The following OTOGL variants were observed in gnomAD, a reference collection of about 807,000 sequenced individuals.
OTOGL encodes otogelin-like protein.
OTOGL carries 285 observed loss-of-function variants against 318.5 expected under a neutral mutation model. The ratio of observed to expected loss-of-function variants is 0.89; its 90% CI spans 0.81 to 0.99. OTOGL has a LOEUF of 0.99. OTOGL is among the 50% of genes least tolerant of loss of function. The pLI, the probability that OTOGL is intolerant of heterozygous loss-of-function variation, is 0.00. For missense variants in OTOGL, 2,899 were observed against 2,845.6 expected (o/e 1.02, Z -0.43); for synonymous variants, 987 against 936.5 (o/e 1.05, Z -0.99).
chr12:80,134,412 T>G (rs557801624), intron 1 of OTOGL, among the ~76,000 whole-genome samples: 1 of 152,330 alleles, frequency 6.6e-6, no homozygotes, highest in African/African-American at 2.4e-5. Flanking sequence ...TTCATGACAC[T>G]TGTCAGATTC....
intron 52 of OTOGL, among the ~76,000 whole-genome samples, chr12:80,365,170 T>C (rs1890452525): frequency 6.6e-6 from 1 of 152,030 alleles, no homozygotes; most frequent in African/African-American, 2.4e-5. Context: ...TGATGAGAAA[T>C]GAAAACATAT....
intron 26 of OTOGL, among the ~76,000 whole-genome samples, chr12:80,291,862 TAGAA>T (rs1333593816): frequency 2.0e-5 from 3 of 152,244 alleles, no homozygotes; most frequent in South Asian, 2.1e-4. Context: ...AGAAATCAGA[TAGAA>T]AGAAATATGC....
intron 57 of OTOGL, among the ~76,000 whole-genome samples, chr12:80,372,660 A>G (rs546656500): frequency 6.6e-6 from 1 of 151,842 alleles, no homozygotes; most frequent in Non-Finnish European, 1.5e-5. Flanking sequence ...ATTTTTTATT[A>G]GCTTGGATTA....
rs756442587 is a variant in OTOGL at position 80,232,972 on chromosome 12, T to C, written c.692T>C (p.Phe231Ser). The change falls in exon 9 of 59, where the codon TTT becomes TCT. Residue 231 changes from phenylalanine to serine, a missense_variant. Physicochemically the swap from Phe to Ser is radical, Grantham distance 155 (BLOSUM62 -2). Coordinates refer to ENST00000547103, the MANE Select transcript of OTOGL (RefSeq NM_001378609.3). ...DYILVKTTFG[F>S]SLAWDGISGI... ...ATTCTTGTGAAAACAACCTTTGGCT[T>C]TTCATTGGCTTGGGACGGGATATCT... 10 of 1,598,998 alleles carry C rather than the reference T, an allele frequency of 6.3e-6. No homozygotes were observed. Among genetic ancestry groups the C allele is most frequent in the Non-Finnish European group, 8.5e-6 (10 of 1,179,448 alleles).
At position 80,257,963 on chromosome 12, in the gene OTOGL, TG is replaced by T; in HGVS notation, c.1851del (p.Cys618ValfsTer8). 6.3e-7 allele frequency: 1 copy of T among 1,594,264 alleles called. No homozygotes were observed. Among genetic ancestry groups the T allele is most frequent in the Non-Finnish European group, 8.5e-7 (1 of 1,178,236 alleles). ...GCATGGAAAAGAAGAACATTAGGTC[TG>T]TGTGGCACTTTTAATGGCAACATAA... is the stretch of plus-strand genomic sequence containing the variant. The part of the protein sequence containing the change: ...TSAWKRRTLG[L>X]CGTFNGNIRD... On this transcript the variant is annotated frameshift_variant, in exon 18 of 59. Transcript: ENST00000547103. LOFTEE classifies it high-confidence loss of function.
chr12:80,233,793 A>G (rs1022626232), intron 9 of OTOGL, among the ~76,000 whole-genome samples: 1 of 152,222 alleles, frequency 6.6e-6, no homozygotes, highest in Non-Finnish European at 1.5e-5. Context: ...TCTTAGTACC[A>G]GTGAACTTGG....
chr12:80,355,321 C>T (rs1300670137), intron 46 of OTOGL, among the ~76,000 whole-genome samples: 1 of 149,214 alleles, frequency 6.7e-6, no homozygotes, highest in African/African-American at 2.5e-5. Context: ...AACTCTGGGC[C>T]TCCAGTGATC....
chr12:80,190,312 T>G (rs948857264), intron 1 of OTOGL, among the ~76,000 whole-genome samples: 5 of 152,210 alleles, frequency 3.3e-5, no homozygotes, highest in Admixed American at 3.3e-4. Context: ...TTTTAATGCT[T>G]AGAAGCCATA....
At chr12:80,370,510 T>C (rs1890811113) in intron 55 of OTOGL, 60 bp from the exon 56 acceptor site, 2 of 1,340,006 alleles carry the variant, frequency 1.5e-6, no homozygotes, top group Non-Finnish European at 2.0e-6. Flanking sequence ...AATAATATTG[T>C]ACTTAATAAA....
chr12:80,158,085 C>A (rs1011686932), intron 1 of OTOGL, among the ~76,000 whole-genome samples: 1 of 152,010 alleles, frequency 6.6e-6, no homozygotes, highest in Non-Finnish European at 1.5e-5. Flanking sequence ...AAAAATGCCA[C>A]AAGCTTATAA....
At chr12:80,136,160 A>G (rs1011119168) in intron 1 of OTOGL, among the ~76,000 whole-genome samples, 3 of 152,062 alleles carry the variant, frequency 2.0e-5, no homozygotes, top group African/African-American at 7.2e-5. Context: ...TTTTGTGGAA[A>G]TGTCTGTACT....
At chr12:80,115,650 C>A (rs546475735) in intron 1 of OTOGL, among the ~76,000 whole-genome samples, 5 of 152,130 alleles carry the variant, frequency 3.3e-5, no homozygotes, top group Non-Finnish European at 7.4e-5. Flanking sequence ...TTCCTACAGC[C>A]GTTGCTTCCC....
At chr12:80,349,841 G>A (rs1889431928) in intron 44 of OTOGL, among the ~76,000 whole-genome samples, 3 of 152,116 alleles carry the variant, frequency 2.0e-5, no homozygotes, top group Admixed American at 6.5e-5. Flanking sequence ...TGTTTACTGT[G>A]TACAACGTGG....
At chr12:80,123,034 CT>C (rs922026290) in intron 1 of OTOGL, among the ~76,000 whole-genome samples, 436 of 144,584 alleles carry the variant, frequency 3.0e-3, no homozygotes, top group Non-Finnish European at 3.5e-3. Context: ...GATTTCTTTT[CT>C]TTTTTTTTTT....
intron 7 of OTOGL, among the ~76,000 whole-genome samples, chr12:80,227,094 G>C (rs887123702): frequency 2.0e-5 from 3 of 152,042 alleles, no homozygotes; most frequent in Non-Finnish European, 4.4e-5. Context: ...ATATATTGGA[G>C]CTCTGGGGTG....
chr12:80,340,306 G>T (rs1183931136), intron 43 of OTOGL, among the ~76,000 whole-genome samples: 1 of 151,886 alleles, frequency 6.6e-6, no homozygotes, highest in Non-Finnish European at 1.5e-5. Flanking sequence ...TGCTAAAATG[G>T]TTTTCATGGT....
At chr12:80,303,910 T>C (rs1014114552) in intron 28 of OTOGL, among the ~76,000 whole-genome samples, 2 of 152,172 alleles carry the variant, frequency 1.3e-5, no homozygotes, top group African/African-American at 4.8e-5. Flanking sequence ...GAGCCTTGTA[T>C]CCATCACAAC....
intron 35 of OTOGL, 97 bp downstream of exon 35, chr12:80,323,937 G>A: frequency 1.2e-6 from 1 of 855,634 alleles, no homozygotes. Context: ...CCATTCTCAA[G>A]TTGTATATGC....
rs190302081 is a variant in OTOGL, at chr12:80,287,316, A to G, written c.2928+8150A>G. On this transcript the variant is annotated intron_variant, in intron 26 of 58. Coordinates refer to ENST00000547103, the MANE Select transcript of OTOGL (RefSeq NM_001378609.3). ...TTTGCTGAGGAGTGTTTTACTTCCA[A>G]TTACGTGGTCAATTTTAGAATAAGT... Among the ~76,000 whole-genome samples the G allele has an allele frequency of 6.1e-4, 92 of 151,822 alleles. 1 individual carries two copies. The highest frequency in any genetic ancestry group is 2.2e-3 in the African/African-American group (91 of 41,120).
Sources: allele counts gnomAD v4.1 joint callset (sites outside exome capture counted in the v4.1 genomes callset), GRCh38; gene constraint gnomAD v4.1.1; transcripts MANE v1.5; gene names NCBI Gene and HGNC (gene_info 2026-07-23, HGNC 2026-07-21).